ZNF804B: variants seen among roughly 807,000 people sequenced by gnomAD.
ZNF804B encodes the protein zinc finger 804B.
Under a neutral mutation model 101.4 loss-of-function variants are expected in ZNF804B, and 80 were observed. That is an observed-to-expected ratio of 0.79 (90% CI 0.66 to 0.95). ZNF804B has a LOEUF of 0.95. ZNF804B is among the 40% of genes least tolerant of loss of function. The pLI is 0.00. For synonymous variants in ZNF804B, 622 were observed against 558.8 expected, an observed-to-expected ratio of 1.11 and a Z score of -1.59; for missense variants, 1,673 against 1,561.9, an observed-to-expected ratio of 1.07 and a Z score of -1.20.
chr7:88,882,421 G>C (rs989912905), intron 1 of ZNF804B, among the ~76,000 whole-genome samples: 2 of 152,144 alleles, frequency 1.3e-5, no homozygotes, highest in African/African-American at 4.8e-5. Context: ...TACACTGATG[G>C]TGGGAATGTA....
At chr7:88,766,135 G>C (rs1018117279) in intron 1 of ZNF804B, among the ~76,000 whole-genome samples, 4 of 152,024 alleles carry the variant, frequency 2.6e-5, no homozygotes, top group Admixed American at 6.6e-5. Context: ...AACAAAGCAA[G>C]ACCACATTTC....
intron 1 of ZNF804B, among the ~76,000 whole-genome samples, chr7:89,119,820 T>C (rs1027631097): frequency 2.0e-5 from 3 of 152,200 alleles, no homozygotes; most frequent in Non-Finnish European, 4.4e-5. Context: ...TAAAAATCAA[T>C]TAAAAATACA....
At chr7:88,829,717 T>A (rs1791104149) in intron 1 of ZNF804B, among the ~76,000 whole-genome samples, 1 of 152,148 alleles carries the variant, frequency 6.6e-6, no homozygotes, top group Non-Finnish European at 1.5e-5. Context: ...TTGTGTAGCC[T>A]GGAAACATTC....
intron 2 of ZNF804B, among the ~76,000 whole-genome samples, chr7:89,310,371 A>G (rs1041695805): frequency 1.3e-5 from 2 of 152,170 alleles, no homozygotes; most frequent in Admixed American, 6.6e-5. Flanking sequence ...GCTCAACTCA[A>G]TACTATCTTT....
chr7:89,055,779 A>T lies in ZNF804B; in HGVS notation c.109-162376A>T, dbSNP rs185857505. Among the ~76,000 whole-genome samples the T allele has an allele frequency of 3.1e-3, 476 of 152,134 alleles. 8 individuals are homozygous for T. Among genetic ancestry groups the T allele is most frequent in the African/African-American group, 0.011 (455 of 41,544 alleles). On this transcript the variant is annotated intron_variant, in intron 1 of 3. Transcript: ENST00000333190. ...ATTGCTCTGGAGGTTTGCTGCAAAA[A>T]ATCAATCAGAAAAAGGTGAGGGGTA...
chr7:89,179,059 A>G (rs1481078751), intron 1 of ZNF804B, among the ~76,000 whole-genome samples: 1 of 151,974 alleles, frequency 6.6e-6, no homozygotes, highest in Admixed American at 6.6e-5. Context: ...CTTTGTATGT[A>G]TTTGTTTCTT....
intron 1 of ZNF804B, among the ~76,000 whole-genome samples, chr7:88,813,432 A>T (rs1271226108): frequency 6.6e-6 from 1 of 151,682 alleles, no homozygotes; most frequent in Admixed American, 6.6e-5. Context: ...CTAAAAAAAA[A>T]AAAAAAGAAA....
In ZNF804B at chr7:89,265,292, G is replaced by GCGCT. The variant is rs200051012; in HGVS notation, c.249+46997_249+46998insCGCT. Among the ~76,000 whole-genome samples the GCGCT allele has an allele frequency of 1.6e-3, 129 of 82,546 alleles. 1 individual carries two copies. In the East Asian group the frequency reaches 0.12, roughly 79 times the overall value. The allele number at this position is 82,546 out of a possible 152,430, so 54.2% of individuals were successfully genotyped here. The stretch of plus-strand genomic sequence containing the variant: ...TGTGTGTGTGTGTGTGTGTGTGTGT[G>GCGCT]TGCGCGTGCGCGCGCGCACACATGC... On this transcript the variant is annotated intron_variant, in intron 2 of 3. Transcript: ENST00000333190.
intron 1 of ZNF804B, among the ~76,000 whole-genome samples, chr7:88,818,440 T>C (rs1790919781): frequency 6.6e-6 from 1 of 152,170 alleles, no homozygotes; most frequent in Admixed American, 6.6e-5. Flanking sequence ...TGAAAGATAG[T>C]CAATTTTAAT....
chr7:88,811,840 T>G (rs978144710), intron 1 of ZNF804B, among the ~76,000 whole-genome samples: 2 of 151,904 alleles, frequency 1.3e-5, no homozygotes, highest in Non-Finnish European at 2.9e-5. Context: ...AGGGAGAGCA[T>G]CAGAAGAAAA....
Position 89,156,019 on chromosome 7 carries a change from CCTTTCTTTCTTTCTTTCTTTCTTTCTTT to C in ZNF804B, c.109-62109_109-62082del, listed in dbSNP as rs58720640. Among the ~76,000 whole-genome samples, 116 of 121,932 alleles carry C rather than the reference CCTTTCTTTCTTTCTTTCTTTCTTTCTTT, an allele frequency of 9.5e-4. 2 individuals carry two copies. In the East Asian group the frequency reaches 0.017, roughly 17 times the overall value. 80.0% of individuals were successfully genotyped at this position (121,932 alleles called of 152,430 possible). A position where few individuals can be genotyped will look rare whatever the true frequency, so the allele number is the denominator to read the frequency against. ...TCTTTCTTTCTTTCTTTCTCTCTTT[CCTTTCTTTCTTTCTTTCTTTCTTTCTTT>C]CTTTCTTTCTTTCTTTCTTTCTTTC... On this transcript the variant is annotated intron_variant, in intron 1 of 3. Coordinates refer to ENST00000333190, the MANE Select transcript of ZNF804B (RefSeq NM_181646.5).
intron 1 of ZNF804B, among the ~76,000 whole-genome samples, chr7:88,857,687 A>C (rs575957904): frequency 6.6e-6 from 1 of 152,240 alleles, no homozygotes; most frequent in South Asian, 2.1e-4. Flanking sequence ...CAGAGGTACA[A>C]GGAGGAGCTG....
intron 1 of ZNF804B, among the ~76,000 whole-genome samples, chr7:89,075,752 A>G (rs1032316760): frequency 2.6e-5 from 4 of 152,206 alleles, no homozygotes; most frequent in Admixed American, 2.6e-4. Context: ...ATGTGCCTGG[A>G]AAAGCCATAG....
intron 1 of ZNF804B, among the ~76,000 whole-genome samples, chr7:88,848,407 A>C (rs981871720): frequency 1.2e-4 from 19 of 152,114 alleles, no homozygotes; most frequent in Non-Finnish European, 1.8e-4. Context: ...GCAGGCCCAA[A>C]CACAACTGCA....
chr7:89,131,023 C>T (rs1207674005), intron 1 of ZNF804B, among the ~76,000 whole-genome samples: 3 of 151,934 alleles, frequency 2.0e-5, no homozygotes, highest in Non-Finnish European at 4.4e-5. Flanking sequence ...TAAACTCACT[C>T]ATTTCTATTT....
At chr7:89,048,572 T>C (rs1789149949) in intron 1 of ZNF804B, among the ~76,000 whole-genome samples, 1 of 151,894 alleles carries the variant, frequency 6.6e-6, no homozygotes, top group African/African-American at 2.4e-5. Flanking sequence ...AATGATAATA[T>C]ATTATCATTA....
intron 1 of ZNF804B, 103 bp from the exon 2 acceptor site, chr7:89,218,052 C>T: frequency 8.6e-7 from 1 of 1,160,088 alleles, no homozygotes; most frequent in Non-Finnish European, 1.2e-6. Context: ...AAACAATGTG[C>T]TCCGTCATAT....
rs574744362 is a variant in ZNF804B at position 89,087,192 on chromosome 7, C to T, written c.109-130963C>T. 4.0e-4 allele frequency among the ~76,000 whole-genome samples: 60 copies of T among 151,730 alleles called. 1 individual carries two copies. In the South Asian group the frequency reaches 7.9e-3, roughly 20 times the overall value. On this transcript the variant is annotated intron_variant, in intron 1 of 3. Transcript: ENST00000333190. ...CTTAAATGAATTTCATTTTTGGTAACGTAACTAAGAGTTTTAAAGCATAAG... is the reference window on the plus strand; with the variant it reads ...CTTAAATGAATTTCATTTTTGGTAATGTAACTAAGAGTTTTAAAGCATAAG...
chr7:89,159,729 T>TA (rs1791030695), intron 1 of ZNF804B, among the ~76,000 whole-genome samples: 2 of 152,142 alleles, frequency 1.3e-5, no homozygotes, highest in Non-Finnish European at 2.9e-5. Flanking sequence ...TGAAATAAGA[T>TA]ACACAGCTCT....
Sources: allele counts gnomAD v4.1 joint callset (sites outside exome capture counted in the v4.1 genomes callset), GRCh38; gene constraint gnomAD v4.1.1; transcripts MANE v1.5; gene names NCBI Gene and HGNC (gene_info 2026-07-23, HGNC 2026-07-21).